The following PDE4B variants were observed in gnomAD, a reference collection of about 807,000 sequenced individuals.
PDE4B encodes 3',5'-cyclic-AMP phosphodiesterase 4B.
In PDE4B, 20 loss-of-function variants were observed where a neutral mutation model predicts 82.2. The observed-to-expected ratio is 0.24, with a 90% CI of 0.17 to 0.35. PDE4B has a LOEUF of 0.35. PDE4B is among the 10% of genes least tolerant of loss of function. PDE4B has a pLI of 1.00. For missense variants in PDE4B, 655 were observed against 907.2 expected (o/e 0.72, Z 3.57); for synonymous variants, 320 against 318.9 (o/e 1.00, Z -0.04).
intron 3 of PDE4B, among the ~76,000 whole-genome samples, chr1:66,014,200 T>C (rs1201375950): frequency 6.6e-6 from 1 of 152,152 alleles, no homozygotes; most frequent in Non-Finnish European, 1.5e-5. Context: ...TAGCCCATTG[T>C]CAGATATATG....
chr1:66,052,930 A>C (rs1655117030), intron 3 of PDE4B, among the ~76,000 whole-genome samples: 1 of 152,188 alleles, frequency 6.6e-6, no homozygotes, highest in Non-Finnish European at 1.5e-5. Context: ...CCATGAGCAC[A>C]AAAAAAGTAT....
At chr1:66,007,431 A>G (rs1002632298) in intron 3 of PDE4B, among the ~76,000 whole-genome samples, 3 of 152,048 alleles carry the variant, frequency 2.0e-5, no homozygotes, top group East Asian at 1.9e-4. Flanking sequence ...GTGACAGAAC[A>G]AGAAAAACGA....
chr1:66,056,293 ACG>A (rs1655287205), intron 3 of PDE4B, among the ~76,000 whole-genome samples: 1 of 152,150 alleles, frequency 6.6e-6, no homozygotes, highest in African/African-American at 2.4e-5. Context: ...GAGAAAGGCA[ACG>A]AGAGAGAGAT....
intron 1 of PDE4B, among the ~76,000 whole-genome samples, chr1:65,868,391 ACTGT>A (rs1646535136): frequency 6.6e-6 from 1 of 152,220 alleles, no homozygotes; most frequent in Non-Finnish European, 1.5e-5. Context: ...TCTGAAGGAC[ACTGT>A]CTGGTGCTAG....
chr1:65,948,669 C>T (rs1294751036), intron 3 of PDE4B, among the ~76,000 whole-genome samples: 1 of 152,056 alleles, frequency 6.6e-6, no homozygotes, highest in East Asian at 1.9e-4. Flanking sequence ...TTGTATCCTT[C>T]AATCCGATCA....
intron 1 of PDE4B, among the ~76,000 whole-genome samples, chr1:65,816,294 C>A (rs1019814731): frequency 4.7e-5 from 7 of 150,318 alleles, no homozygotes; most frequent in Non-Finnish European, 8.9e-5. Flanking sequence ...ATTATCTCAA[C>A]CCTTGACAGC....
At chr1:66,188,084 T>C (rs1021470786) in intron 3 of PDE4B, among the ~76,000 whole-genome samples, 54 of 150,360 alleles carry the variant, frequency 3.6e-4, no homozygotes, top group African/African-American at 1.2e-3. Flanking sequence ...GCCTTCATTT[T>C]GTTATGTACC....
intron 3 of PDE4B, among the ~76,000 whole-genome samples, chr1:66,027,438 C>T (rs562516247): frequency 6.6e-6 from 1 of 152,262 alleles, no homozygotes; most frequent in Non-Finnish European, 1.5e-5. Flanking sequence ...GATTTGGATT[C>T]AGACACAGCC....
chr1:65,834,363 T>C (rs1433257068), intron 1 of PDE4B, among the ~76,000 whole-genome samples: 1 of 152,228 alleles, frequency 6.6e-6, no homozygotes, highest in Non-Finnish European at 1.5e-5. Context: ...ACATTTGGGA[T>C]ATGATGTTGA....
At chr1:66,363,774 A>G (rs922705690) in intron 12 of PDE4B, among the ~76,000 whole-genome samples, 11 of 152,196 alleles carry the variant, frequency 7.2e-5, no homozygotes, top group Admixed American at 6.5e-4. Flanking sequence ...CTCTAAAAAA[A>G]TAAAAATAAA....
intron 1 of PDE4B, among the ~76,000 whole-genome samples, chr1:65,831,033 G>A (rs1042100091): frequency 1.2e-4 from 19 of 152,118 alleles, no homozygotes; most frequent in African/African-American, 4.6e-4. Context: ...CTAAAGCAAT[G>A]CTGAGGTACA....
At chr1:65,965,788 G>A (rs1350112851) in intron 3 of PDE4B, among the ~76,000 whole-genome samples, 1 of 151,938 alleles carries the variant, frequency 6.6e-6, no homozygotes, top group African/African-American at 2.4e-5. Flanking sequence ...CAGAACCAAC[G>A]ACAAAAATCA....
intron 3 of PDE4B, among the ~76,000 whole-genome samples, chr1:65,957,946 C>T (rs1649340372): frequency 6.6e-6 from 1 of 152,054 alleles, no homozygotes; most frequent in South Asian, 2.1e-4. Context: ...AATCCATTTT[C>T]TGCAAATATT....
chr1:66,355,424 G>A, intron 8 of PDE4B, 103 bp from the exon 9 acceptor site: 1 of 621,288 alleles, frequency 1.6e-6, no homozygotes. Context: ...AATGGTATCT[G>A]CTCATCCAAC....
intron 7 of PDE4B, among the ~76,000 whole-genome samples, chr1:66,266,457 C>T (rs1030652343): frequency 6.6e-6 from 1 of 152,158 alleles, no homozygotes; most frequent in Non-Finnish European, 1.5e-5. Flanking sequence ...AGGTGCTCCA[C>T]GTTCGCCTGA....
intron 1 of PDE4B, among the ~76,000 whole-genome samples, chr1:65,886,516 T>C (rs1388104366): frequency 6.6e-6 from 1 of 152,130 alleles, no homozygotes; most frequent in Admixed American, 6.6e-5. Flanking sequence ...ATAACCAACC[T>C]CTTTTTATCT....
At chr1:66,364,995 A>G (rs1398129977) in intron 12 of PDE4B, among the ~76,000 whole-genome samples, 2 of 152,238 alleles carry the variant, frequency 1.3e-5, no homozygotes, top group East Asian at 3.9e-4. Flanking sequence ...ACCAGTATAT[A>G]CCTTATTAAT....
rs1051269958 is a variant in PDE4B, at chr1:66,022,777, G to T, written c.281+103942G>T. On this transcript the variant is annotated intron_variant, in intron 3 of 16. Transcript: ENST00000341517. ...ATTGATCTAAAATTCTCTTTTTTTT[G>T]TTGTGTCTCTGCCAGGCTTTGGTAT... Among the ~76,000 whole-genome samples, 8 of 151,744 alleles carry T rather than the reference G, an allele frequency of 5.3e-5. 1 individual carries two copies. The highest frequency in any genetic ancestry group is 2.0e-4 in the Admixed American group (3 of 15,260).
At chr1:66,206,101 C>G (rs1464345053) in intron 3 of PDE4B, among the ~76,000 whole-genome samples, 1 of 152,228 alleles carries the variant, frequency 6.6e-6, no homozygotes, top group Non-Finnish European at 1.5e-5. Flanking sequence ...TTGTCAGACA[C>G]AGTCTCTTTT....
Sources: gnomAD v4.1 joint callset for allele counts (sites outside exome capture counted in the v4.1 genomes callset) on GRCh38, gnomAD v4.1.1 for gene constraint, MANE v1.5 for transcripts, NCBI Gene and HGNC (gene_info 2026-07-23, HGNC 2026-07-21) for gene names.